Variants in KCNH1 observed in about 807,000 individuals in gnomAD.
KCNH1 encodes the protein voltage-gated delayed rectifier potassium channel KCNH1.
In KCNH1, 27 loss-of-function variants were observed where a neutral mutation model predicts 69.2. The ratio of observed to expected loss-of-function variants is 0.39; its 90% CI spans 0.29 to 0.54. The LOEUF is 0.54. Ranked by LOEUF, KCNH1 falls within the 20% of genes least tolerant of loss-of-function variation. The pLI, the probability that KCNH1 is intolerant of heterozygous loss-of-function variation, is 0.68. For synonymous variants in KCNH1, 456 were observed against 487.7 expected (o/e 0.93, Z 0.86); for missense variants, 798 against 1,261.6 (o/e 0.63, Z 5.57).
At chr1:210,975,409 C>T (rs1190609648) in intron 6 of KCNH1, among the ~76,000 whole-genome samples, 8 of 152,064 alleles carry the variant, frequency 5.3e-5, no homozygotes. Context: ...AGATGTAGAC[C>T]AATGGAACAG....
intron 9 of KCNH1, among the ~76,000 whole-genome samples, chr1:210,781,510 C>T (rs780536722): frequency 4.6e-5 from 7 of 152,030 alleles, no homozygotes; most frequent in African/African-American, 7.2e-5. Context: ...AGGGAGGCTC[C>T]GAGGAAGGGG....
chr1:211,071,027 C>T (rs1690633329), intron 5 of KCNH1, among the ~76,000 whole-genome samples: 2 of 152,234 alleles, frequency 1.3e-5, no homozygotes, highest in South Asian at 2.1e-4. Flanking sequence ...TCAATTAACA[C>T]ATCTTTTGTA....
At chr1:211,065,531 A>G (rs1020720085) in intron 5 of KCNH1, among the ~76,000 whole-genome samples, 2 of 152,136 alleles carry the variant, frequency 1.3e-5, no homozygotes, top group Admixed American at 1.3e-4. Flanking sequence ...AATTTCATTT[A>G]GATAGGAAGA....
intron 10 of KCNH1, among the ~76,000 whole-genome samples, chr1:210,736,766 G>A (rs535338008): frequency 5.0e-4 from 76 of 152,262 alleles, no homozygotes; most frequent in Middle Eastern, 3.4e-3. Context: ...GTGGGGAGCC[G>A]GAGGAATGGT....
At chr1:210,737,277 A>G (rs988989488) in intron 10 of KCNH1, among the ~76,000 whole-genome samples, 1 of 152,146 alleles carries the variant, frequency 6.6e-6, no homozygotes, top group African/African-American at 2.4e-5. Flanking sequence ...ACTGAGGGGG[A>G]ATAAAAGAAA....
At chr1:211,021,554 T>C (rs11119660) in intron 5 of KCNH1, among the ~76,000 whole-genome samples, 16,599 of 145,358 alleles carry the variant, frequency 0.11, 1,069 homozygotes, top group East Asian at 0.25. Context: ...GATATAATCA[T>C]ATATTTAGAG....
intron 7 of KCNH1, among the ~76,000 whole-genome samples, chr1:210,876,765 C>T (rs1686384287): frequency 6.6e-6 from 1 of 152,102 alleles, no homozygotes; most frequent in Admixed American, 6.6e-5. Flanking sequence ...ACAAAGCGCT[C>T]AGCTCTGTAT....
intron 6 of KCNH1, among the ~76,000 whole-genome samples, chr1:211,005,227 C>T (rs1161907295): frequency 1.3e-5 from 2 of 151,934 alleles, no homozygotes; most frequent in Non-Finnish European, 2.9e-5. Flanking sequence ...AAATTGACTC[C>T]AGAAGTAACA....
intron 6 of KCNH1, among the ~76,000 whole-genome samples, chr1:210,974,778 G>A (rs900309511): frequency 6.6e-6 from 1 of 151,850 alleles, no homozygotes; most frequent in Admixed American, 6.6e-5. Flanking sequence ...TATCCACGAT[G>A]GTCTTGATCT....
At chr1:210,684,297 C>G (rs553965466) in intron 10 of KCNH1, among the ~76,000 whole-genome samples, 159 bp from the exon 11 acceptor site, 2 of 152,242 alleles carry the variant, frequency 1.3e-5, no homozygotes, top group South Asian at 4.2e-4. Context: ...AGGCTTTTCT[C>G]TATGACTGAC....
chr1:210,781,789 G>A (rs137894893), intron 9 of KCNH1, among the ~76,000 whole-genome samples: 9 of 152,288 alleles, frequency 5.9e-5, no homozygotes, highest in African/African-American at 2.2e-4. Context: ...CCCTCAACAC[G>A]TTTTCCAAGA....
intron 6 of KCNH1, among the ~76,000 whole-genome samples, chr1:210,946,614 T>C (rs1427687906): frequency 6.6e-6 from 1 of 152,038 alleles, no homozygotes; most frequent in Non-Finnish European, 1.5e-5. Flanking sequence ...TGGCCCAAAT[T>C]TGTGTTTTAT....
At chr1:210,794,308 CT>C (rs1365298002) in intron 9 of KCNH1, among the ~76,000 whole-genome samples, 1 of 152,156 alleles carries the variant, frequency 6.6e-6, no homozygotes, top group Admixed American at 6.5e-5. Flanking sequence ...CTTGGACCTA[CT>C]TTACAGACTC....
At position 210,797,777 on chromosome 1, in the gene KCNH1, A is replaced by C; in HGVS notation, c.1663-17T>G. The C allele has an allele frequency of 6.2e-7, 1 of 1,604,752 alleles. No individual in the cohort carries two copies. Among genetic ancestry groups the C allele is most frequent in the South Asian group, 1.1e-5 (1 of 90,326 alleles). On this transcript the variant is annotated splice_polypyrimidine_tract_variant and intron_variant, in intron 8 of 10. Coordinates refer to ENST00000271751, the MANE Select transcript of KCNH1 (RefSeq NM_172362.3). ...CTGCAGGACCTAGCCAGGTACAGAA[A>C]AAAACAGTGTGAGGGTCCTCACTGT...
chr1:210,980,025 T>C (rs1424359089), intron 6 of KCNH1, among the ~76,000 whole-genome samples: 2 of 152,236 alleles, frequency 1.3e-5, no homozygotes, highest in Admixed American at 6.5e-5. Flanking sequence ...TTGGCAACAT[T>C]ATTAACATGT....
intron 7 of KCNH1, among the ~76,000 whole-genome samples, chr1:210,877,068 T>TAAAAAAAAAAAAAAAAA (rs10673335): frequency 1.4e-5 from 2 of 143,998 alleles, no homozygotes; most frequent in Non-Finnish European, 3.0e-5. Context: ...TCCTCTGAAT[T>TAAAAAAAAAAAAAAAAA]AAAAAAAAAA....
chr1:210,760,173 C>T lies in KCNH1; in HGVS notation c.2112+15175G>A, dbSNP rs777946247. Among the ~76,000 whole-genome samples the T allele has an allele frequency of 5.3e-5, 8 of 152,070 alleles. No homozygotes were observed. The South Asian group carries it at 8.3e-4, about 16-fold the overall frequency. On this transcript the variant is annotated intron_variant, in intron 10 of 10. Transcript: ENST00000271751. ...AAAAAGGTTGAGGACTGCTGCTATA[C>T]AAGACAACCATCTCCAAGGCACATA...
At chr1:211,021,803 GCT>G (rs1373340752) in intron 5 of KCNH1, among the ~76,000 whole-genome samples, 1 of 151,934 alleles carries the variant, frequency 6.6e-6, no homozygotes, top group Non-Finnish European at 1.5e-5. Context: ...TACAAATAAA[GCT>G]ATAAAACACT....
intron 3 of KCNH1, among the ~76,000 whole-genome samples, chr1:211,092,272 A>T (rs1264801209): frequency 6.6e-6 from 1 of 152,212 alleles, no homozygotes; most frequent in African/African-American, 2.4e-5. Flanking sequence ...AACACCAGGG[A>T]CAGACAGACA....
Sources: gnomAD v4.1 joint callset for allele counts (sites outside exome capture counted in the v4.1 genomes callset) on GRCh38, gnomAD v4.1.1 for gene constraint, MANE v1.5 for transcripts, NCBI Gene and HGNC (gene_info 2026-07-23, HGNC 2026-07-21) for gene names.